Variants in FHL2 observed in about 807,000 individuals in gnomAD.
The protein encoded by FHL2 is four and a half LIM domains protein 2.
A neutral mutation model predicts 32.7 loss-of-function variants in FHL2; 20 were observed. That is an observed-to-expected ratio of 0.61 (90% CI 0.43 to 0.89). The LOEUF (loss-of-function observed/expected upper bound fraction) is 0.89, where lower values mean the gene tolerates loss of function less well. FHL2 is among the 40% of genes least tolerant of loss of function. FHL2 has a pLI of 0.00. For synonymous variants in FHL2, 123 were observed against 128.1 expected (o/e 0.96, Z 0.27); for missense variants, 311 against 358.6 (o/e 0.87, Z 1.07).
intron 1 of FHL2, among the ~76,000 whole-genome samples, chr2:105,434,706 G>A (rs948808162): frequency 7.2e-5 from 11 of 152,028 alleles, no homozygotes; most frequent in Admixed American, 3.3e-4. Context: ...TAATAATAAT[G>A]TTTACCTATA....
intron 2 of FHL2, among the ~76,000 whole-genome samples, chr2:105,393,401 C>T (rs1682877239): frequency 6.6e-6 from 1 of 152,194 alleles, no homozygotes; most frequent in Admixed American, 6.5e-5. Context: ...CACCGGGGAT[C>T]CGCAAGGGAT....
Position 105,370,113 on chromosome 2 carries a change from C to T in FHL2, c.332-2374G>A, listed in dbSNP as rs566765202. Among the ~76,000 whole-genome samples the T allele has an allele frequency of 2.6e-5, 4 of 152,308 alleles. 1 individual carries two copies. The East Asian group carries it at 7.7e-4, about 29-fold the overall frequency. On this transcript the variant is annotated intron_variant, in intron 4 of 6. Transcript: ENST00000530340. ...ATGAGGCTGGCTGCGGTGCCTCAGC[C>T]TTGTAATCCCAGCACTTTGGGAGGC...
intron 1 of FHL2, among the ~76,000 whole-genome samples, chr2:105,416,141 T>C (rs1683929386): frequency 6.6e-6 from 1 of 152,148 alleles, no homozygotes; most frequent in East Asian, 1.9e-4. Context: ...CATTAGAAAA[T>C]AAAACTTAGA....
At chr2:105,363,233 C>A in intron 6 of FHL2, 52 bp downstream of exon 6, 2 of 1,579,866 alleles carry the variant, frequency 1.3e-6, no homozygotes, top group South Asian at 1.1e-5. Flanking sequence ...AAATGCTAGG[C>A]CTTGTTCAAG....
intron 1 of FHL2, among the ~76,000 whole-genome samples, chr2:105,433,705 A>G (rs1684509220): frequency 6.6e-6 from 1 of 152,172 alleles, no homozygotes; most frequent in Non-Finnish European, 1.5e-5. Flanking sequence ...TGTGTGCAGC[A>G]TACACAACAC....
chr2:105,409,917 C>T (rs1683744121), intron 1 of FHL2, among the ~76,000 whole-genome samples: 1 of 152,240 alleles, frequency 6.6e-6, no homozygotes. Context: ...TGGACTCCCA[C>T]ACGAGGGCCA....
At chr2:105,402,090 TATAC>T (rs1683486088), upstream of FHL2, among the ~76,000 whole-genome samples, 2 of 121,676 alleles carry the variant, frequency 1.6e-5, no homozygotes, top group Admixed American at 1.7e-4. Context: ...TATGTGTATA[TATAC>T]GTGTATATAT....
chr2:105,362,937 A>G (rs1651982929), intron 6 of FHL2: 1 of 256,304 alleles, frequency 3.9e-6, no homozygotes, highest in Non-Finnish European at 7.5e-6. Context: ...ACTTCTAAGA[A>G]CACAGCACAG....
chr2:105,433,697 T>C (rs547829537), intron 1 of FHL2, among the ~76,000 whole-genome samples: 1 of 152,272 alleles, frequency 6.6e-6, no homozygotes, highest in Admixed American at 6.5e-5. Flanking sequence ...CCTGAGTGTG[T>C]GTGCAGCATA....
intron 1 of FHL2, among the ~76,000 whole-genome samples, chr2:105,434,772 T>C (rs1163416691): frequency 6.6e-6 from 1 of 152,096 alleles, no homozygotes; most frequent in African/African-American, 2.4e-5. Context: ...GATCTTTCAA[T>C]AAATTTCAAC....
chr2:105,405,509 T>A (rs559199857), intron 1 of FHL2, among the ~76,000 whole-genome samples: 1 of 152,300 alleles, frequency 6.6e-6, no homozygotes, highest in South Asian at 2.1e-4. Context: ...CTTCCCTGAT[T>A]CAAGTGATTC....
chr2:105,399,216 C>A, upstream of FHL2: 1 of 1,531,734 alleles, frequency 6.5e-7, no homozygotes, highest in Non-Finnish European at 8.7e-7. Context: ...CGGTCCCGGC[C>A]CGTACCCTTT....
At position 105,386,394 on chromosome 2, in the gene FHL2, C is replaced by T. The variant is rs186258720; in HGVS notation, c.123G>A (p.Glu41=). 1 of 1,614,168 alleles carries T rather than the reference C, an allele frequency of 6.2e-7. No homozygotes were observed. The highest frequency in any genetic ancestry group is 2.2e-5 in the East Asian group (1 of 44,862). Residue 41 remains glutamate (E), a synonymous_variant, in exon 3 of 7, where the codon GAG becomes GAA. Coordinates refer to ENST00000530340, the MANE Select transcript of FHL2 (RefSeq NM_001318895.3). ...CFETLFANTC[E]ECGKPIGCDC... is the part of the protein sequence containing the mutation. The stretch of plus-strand genomic sequence containing the variant: ...CACAGCCGATGGGCTTCCCACACTC[C>T]TCGCAGGTGTTGGCGAACAGGGTCT...
chr2:105,372,249 G>A (rs543832752), intron 4 of FHL2, among the ~76,000 whole-genome samples: 7 of 151,454 alleles, frequency 4.6e-5, no homozygotes, highest in East Asian at 1.9e-4. Flanking sequence ...TTTTTGAGAC[G>A]GAGTCTCACT....
intron 4 of FHL2, among the ~76,000 whole-genome samples, chr2:105,368,016 A>G (rs1558684186): frequency 6.6e-6 from 1 of 152,206 alleles, no homozygotes; most frequent in Non-Finnish European, 1.5e-5. Context: ...AGGAATGTTA[A>G]ATCTAAAAAA....
chr2:105,408,899 T>C (rs1041970257), intron 1 of FHL2, among the ~76,000 whole-genome samples: 2 of 152,090 alleles, frequency 1.3e-5, no homozygotes, highest in South Asian at 4.2e-4. Context: ...AGACAGGCAG[T>C]TTCAGAGGGA....
chr2:105,424,092 C>A (rs1358471620), intron 1 of FHL2, among the ~76,000 whole-genome samples: 1 of 147,732 alleles, frequency 6.8e-6, no homozygotes. Flanking sequence ...GAACAGGCAA[C>A]CTACAGAATG....
At chr2:105,428,563 C>A (rs769118277) in intron 1 of FHL2, among the ~76,000 whole-genome samples, 1 of 152,244 alleles carries the variant, frequency 6.6e-6, no homozygotes. Context: ...ACTACCCTCT[C>A]CTGCGGACAG....
At chr2:105,379,237 A>G (rs1366128103) in intron 3 of FHL2, among the ~76,000 whole-genome samples, 1 of 152,212 alleles carries the variant, frequency 6.6e-6, no homozygotes, top group African/African-American at 2.4e-5. Flanking sequence ...TGTAACAAGC[A>G]TGTATAACAG....
Sources: gnomAD v4.1 joint callset for allele counts (sites outside exome capture counted in the v4.1 genomes callset) on GRCh38, gnomAD v4.1.1 for gene constraint, MANE v1.5 for transcripts, NCBI Gene and HGNC (gene_info 2026-07-23, HGNC 2026-07-21) for gene names.